The following ZMAT4 variants were observed in gnomAD, a reference collection of about 807,000 sequenced individuals.
ZMAT4 encodes the protein zinc finger matrin-type protein 4.
A neutral mutation model predicts 28.7 loss-of-function variants in ZMAT4; 17 were observed. The observed-to-expected ratio is 0.59, with a 90% CI of 0.41 to 0.89. The LOEUF (loss-of-function observed/expected upper bound fraction) is 0.89. Among genes scored for constraint, ZMAT4 ranks in the 40% least tolerant of loss-of-function variants. ZMAT4 has a pLI of 0.00. For missense variants in ZMAT4, 240 were observed against 283.8 expected (o/e 0.85, Z 1.11); for synonymous variants, 117 against 109.2 (o/e 1.07, Z -0.44).
intron 1 of ZMAT4, among the ~76,000 whole-genome samples, chr8:40,854,925 G>A (rs1290181669): frequency 6.6e-6 from 1 of 151,928 alleles, no homozygotes; most frequent in East Asian, 1.9e-4. Context: ...GCTAATTATT[G>A]TTTTCACACA....
chr8:40,763,748 G>T (rs1191817081), intron 3 of ZMAT4, among the ~76,000 whole-genome samples: 1 of 152,082 alleles, frequency 6.6e-6, no homozygotes, highest in Admixed American at 6.6e-5. Context: ...TAGACTCTAG[G>T]ATGTTTAGGG....
At chr8:40,896,408 G>A (rs1818881016) in intron 1 of ZMAT4, among the ~76,000 whole-genome samples, 1 of 152,146 alleles carries the variant, frequency 6.6e-6, no homozygotes, top group African/African-American at 2.4e-5. Flanking sequence ...CCTAGGACTT[G>A]GAAGATCACC....
intron 1 of ZMAT4, among the ~76,000 whole-genome samples, chr8:40,842,994 C>T (rs1816755599): frequency 6.6e-6 from 1 of 152,118 alleles, no homozygotes; most frequent in Non-Finnish European, 1.5e-5. Context: ...CTAGGCTGGT[C>T]TCGAACTCCA....
At chr8:40,614,517 C>A (rs1200557345) in intron 5 of ZMAT4, among the ~76,000 whole-genome samples, 1 of 152,052 alleles carries the variant, frequency 6.6e-6, no homozygotes, top group East Asian at 1.9e-4. Context: ...CTAATGTTGA[C>A]AGTGGGGTGT....
At chr8:40,748,123 T>C (rs1812313084) in intron 3 of ZMAT4, among the ~76,000 whole-genome samples, 1 of 152,220 alleles carries the variant, frequency 6.6e-6, no homozygotes, top group South Asian at 2.1e-4. Flanking sequence ...GATAATAACT[T>C]TGAAGGAAAA....
chr8:40,711,440 A>G (rs1426816555), intron 3 of ZMAT4, among the ~76,000 whole-genome samples: 1 of 152,200 alleles, frequency 6.6e-6, no homozygotes, highest in East Asian at 1.9e-4. Flanking sequence ...AACACCATTT[A>G]TAGTCTTGCC....
intron 6 of ZMAT4, among the ~76,000 whole-genome samples, chr8:40,569,545 T>C (rs1804027188): frequency 6.6e-6 from 1 of 152,164 alleles, no homozygotes; most frequent in Non-Finnish European, 1.5e-5. Context: ...GAAGCCAGGA[T>C]CTCCTTTAGA....
chr8:40,546,270 T>C (rs1285263440), intron 6 of ZMAT4, among the ~76,000 whole-genome samples: 1 of 151,448 alleles, frequency 6.6e-6, no homozygotes, highest in Non-Finnish European at 1.5e-5. Flanking sequence ...GCTGACCTAT[T>C]TAAAGAAACC....
intron 3 of ZMAT4, among the ~76,000 whole-genome samples, chr8:40,756,221 T>TA (rs1431921153): frequency 6.6e-6 from 1 of 151,706 alleles, no homozygotes; most frequent in Non-Finnish European, 1.5e-5. Flanking sequence ...GTATTTGTCT[T>TA]AAAAAACACA....
In ZMAT4 at chr8:40,632,509, A is replaced by G. The variant is rs565596192; in HGVS notation, c.577+42195T>C. ...TAATTAAAGTAGGGATCTTGAGGTG[A>G]GATCATCCTGGAGGAGGGTGGGCCC... On this transcript the variant is annotated intron_variant, in intron 5 of 6. Transcript: ENST00000297737. 2.0e-5 allele frequency among the ~76,000 whole-genome samples: 3 copies of G among 152,162 alleles called. No homozygotes were observed. The South Asian group carries it at 6.2e-4, about 32-fold the overall frequency.
chr8:40,627,616 G>A (rs1806424118), intron 5 of ZMAT4, among the ~76,000 whole-genome samples: 1 of 152,122 alleles, frequency 6.6e-6, no homozygotes, highest in Admixed American at 6.6e-5. Flanking sequence ...CCATGTATAA[G>A]CAGGGAATAC....
intron 1 of ZMAT4, among the ~76,000 whole-genome samples, chr8:40,827,570 C>T (rs1816112323): frequency 6.6e-6 from 1 of 152,256 alleles, no homozygotes; most frequent in Admixed American, 6.5e-5. Flanking sequence ...TCTAGTGGCT[C>T]ATTCAGGGCA....
chr8:40,711,482 C>G (rs1038306306), intron 3 of ZMAT4, among the ~76,000 whole-genome samples: 1 of 152,242 alleles, frequency 6.6e-6, no homozygotes, highest in African/African-American at 2.4e-5. Flanking sequence ...AATCAAGTCT[C>G]TGAAACCATC....
chr8:40,731,815 G>A (rs1027717443), intron 3 of ZMAT4, among the ~76,000 whole-genome samples: 5 of 152,210 alleles, frequency 3.3e-5, no homozygotes, highest in African/African-American at 7.2e-5. Context: ...ACAGGTGGAA[G>A]CAATTCAGTG....
chr8:40,772,728 C>G, intron 2 of ZMAT4, among the ~76,000 whole-genome samples: 1 of 152,132 alleles, frequency 6.6e-6, no homozygotes, highest in East Asian at 1.9e-4. Context: ...CTTATTTCAT[C>G]AGAAGGATCT....
chr8:40,693,860 G>T (rs1301974483), intron 4 of ZMAT4, among the ~76,000 whole-genome samples: 3 of 152,206 alleles, frequency 2.0e-5, no homozygotes, highest in African/African-American at 7.2e-5. Context: ...GCTGGAGGGG[G>T]TGGAAAGGTA....
chr8:40,824,752 AAAAG>A (rs576934119), intron 2 of ZMAT4, among the ~76,000 whole-genome samples: 32 of 149,628 alleles, frequency 2.1e-4, no homozygotes, highest in African/African-American at 5.9e-4. Flanking sequence ...AGAAAAGAAA[AAAAG>A]AAAGAAAGAA....
At chr8:40,767,615 G>A (rs373449682) in intron 3 of ZMAT4, 26 bp downstream of exon 3, 5 of 1,589,100 alleles carry the variant, frequency 3.1e-6, no homozygotes, top group Non-Finnish European at 4.3e-6. Context: ...ATCATCTGAG[G>A]ATATCACGTG....
chr8:40,757,671 A>T (rs959927788), intron 3 of ZMAT4, among the ~76,000 whole-genome samples: 5 of 152,126 alleles, frequency 3.3e-5, no homozygotes, highest in African/African-American at 1.2e-4. Flanking sequence ...TAATATCTTT[A>T]TTTATGTATC....
Sources: allele counts gnomAD v4.1 joint callset (sites outside exome capture counted in the v4.1 genomes callset), GRCh38; gene constraint gnomAD v4.1.1; transcripts MANE v1.5; gene names NCBI Gene and HGNC (gene_info 2026-07-23, HGNC 2026-07-21).